The following ZSCAN1 variants were observed in gnomAD, a reference collection of about 807,000 sequenced individuals.
ZSCAN1 encodes the protein zinc finger and SCAN domain-containing protein 1.
Under a neutral mutation model 23.8 loss-of-function variants are expected in ZSCAN1, and 23 were observed. The ratio of observed to expected loss-of-function variants is 0.97; its 90% CI spans 0.70 to 1.37. ZSCAN1 has a LOEUF of 1.37. Among genes scored for constraint, ZSCAN1 ranks in the 40% most tolerant of loss-of-function variants. The pLI, the probability that ZSCAN1 is intolerant of heterozygous loss-of-function variation, is 0.00. For synonymous variants in ZSCAN1, 236 were observed against 232.3 expected (o/e 1.02, Z -0.15); for missense variants, 575 against 554.0 (o/e 1.04, Z -0.38).
At position 58,040,759 on chromosome 19, in the gene ZSCAN1, G is replaced by A. The variant is rs1421836912; in HGVS notation, c.465+215G>A. Among the ~76,000 whole-genome samples the A allele has an allele frequency of 3.9e-5, 6 of 152,220 alleles. No homozygotes were observed. The highest frequency in any genetic ancestry group is 7.3e-5 in the Non-Finnish European group (5 of 68,036). On this transcript the variant is annotated intron_variant, in intron 4 of 5. Coordinates refer to ENST00000282326, the MANE Select transcript of ZSCAN1 (RefSeq NM_182572.4). This position sits in a 1 kb window ranked among gnomAD's most constrained non-coding sequence, Gnocchi z 5.8. ...GGGCAGTCAGTGCAGCTGTGTGTTTGCTGTGTGCCTCTGGGCCTCACCCCA... is the reference window on the plus strand; with the variant it reads ...GGGCAGTCAGTGCAGCTGTGTGTTTACTGTGTGCCTCTGGGCCTCACCCCA...
In ZSCAN1 at chr19:58,037,991, C is replaced by G. The variant is rs759346196; in HGVS notation, c.155C>G (p.Pro52Arg). 1.2e-6 allele frequency: 2 copies of G among 1,608,676 alleles called. No homozygotes were observed. Among genetic ancestry groups the G allele is most frequent in the African/African-American group, 1.3e-5 (1 of 75,028 alleles). The change falls in exon 3 of 6, where the codon CCG (proline) becomes CGG (arginine). Residue 52 changes from proline to arginine, a missense_variant. Pro to Arg is a moderately radical substitution (Grantham distance 103, BLOSUM62 -2). Transcript: ENST00000282326. ...RQFQYHVASG[P>R]HLALGQLWTL... ...TTCCAGTACCACGTGGCGAGCGGGC[C>G]GCACCTCGCGCTGGGCCAGCTCTGG...
intron 4 of ZSCAN1, among the ~76,000 whole-genome samples, chr19:58,042,710 G>A (rs1260958848): frequency 6.6e-6 from 1 of 152,122 alleles, no homozygotes; most frequent in East Asian, 1.9e-4. Context: ...GTGCTTATCT[G>A]ACTCCCTCTC....
chr19:58,046,618 G>A (rs1423438637), intron 4 of ZSCAN1: 11 of 843,682 alleles, frequency 1.3e-5, no homozygotes, highest in Middle Eastern at 2.2e-4. Context: ...GGTCAACGTC[G>A]ACCACCTCAT....
intron 4 of ZSCAN1, chr19:58,044,781 C>CAG: frequency 1.4e-6 from 1 of 724,214 alleles, no homozygotes; most frequent in Non-Finnish European, 2.5e-6. Context: ...ACCCGTGCTT[C>CAG]AGAGGCGATC....
chr19:58,040,416 C>G lies in ZSCAN1; in HGVS notation c.371-34C>G. The stretch of plus-strand genomic sequence containing the variant: ...GGAGAATTGGGGGCTCTGGGAAGAA[C>G]AGGCCCCTCTCACGATCCCTTTCTC... On this transcript the variant is annotated intron_variant, in intron 3 of 5. Coordinates refer to ENST00000282326, the MANE Select transcript of ZSCAN1 (RefSeq NM_182572.4). The surrounding 1 kb of genome is among the most constrained non-coding windows in gnomAD (Gnocchi z 5.8). 6.2e-7 allele frequency: 1 copy of G among 1,606,692 alleles called. No homozygotes were observed. Among genetic ancestry groups the G allele is most frequent in the Non-Finnish European group, 8.5e-7 (1 of 1,174,036 alleles).
At chr19:58,036,596 A>G (rs1266987319) in intron 2 of ZSCAN1, among the ~76,000 whole-genome samples, 2 of 148,346 alleles carry the variant, frequency 1.3e-5, no homozygotes, top group Non-Finnish European at 3.0e-5. Flanking sequence ...GCTCACTGCA[A>G]TCTCCGCCTC....
intron 4 of ZSCAN1, among the ~76,000 whole-genome samples, chr19:58,048,399 G>C (rs907482646): frequency 2.0e-5 from 3 of 152,254 alleles, no homozygotes; most frequent in Non-Finnish European, 4.4e-5. Context: ...TAATCCCACT[G>C]CTTGAGGTGG....
At chr19:58,051,461 A>T (rs763674) in intron 4 of ZSCAN1, among the ~76,000 whole-genome samples, 72,200 of 150,550 alleles carry the variant, frequency 0.48, 18,150 homozygotes, top group Non-Finnish European at 0.56. Flanking sequence ...TCCTGCCATC[A>T]GCTCCCTCCC....
In ZSCAN1 at chr19:58,053,328, C is replaced by T; in HGVS notation, c.605-101C>T. On this transcript the variant is annotated intron_variant, in intron 5 of 5. Coordinates refer to ENST00000282326, the MANE Select transcript of ZSCAN1 (RefSeq NM_182572.4). This position sits in a 1 kb window ranked among gnomAD's most constrained non-coding sequence, Gnocchi z 5.8. ...GTATTGAGCAGAGGAAGGGCCTGGA[C>T]TTGGCTCAGTCACTGGGGTCCTCCG... 8 of 1,466,834 alleles carry T rather than the reference C, an allele frequency of 5.5e-6. No individual in the cohort carries two copies. The highest frequency in any genetic ancestry group is 4.0e-5 in the South Asian group (3 of 75,788). 90.9% of individuals were successfully genotyped at this position (1,466,834 alleles called of 1,614,324 possible). A position where few individuals can be genotyped will look rare whatever the true frequency, so the allele number is the denominator to read the frequency against.
At chr19:58,039,377 CTCTA>C (rs778645238) in intron 3 of ZSCAN1, among the ~76,000 whole-genome samples, 18 of 152,208 alleles carry the variant, frequency 1.2e-4, no homozygotes, top group Admixed American at 4.6e-4. Flanking sequence ...GCAAAGGGCT[CTCTA>C]TCTGTCTTCC....
At position 58,045,719 on chromosome 19, in the gene ZSCAN1, G is replaced by A. The variant is rs1251105064; in HGVS notation, c.465+5175G>A. ...GCGGCATGTCGGGCACGAGGCATGC[G>A]GGCCCTGGGCGTCAGGGAAAACCAC... On this transcript the variant is annotated intron_variant, in intron 4 of 5. Transcript: ENST00000282326. The surrounding 1 kb of genome is among the most constrained non-coding windows in gnomAD (Gnocchi z 4.3). 19 of 1,063,528 alleles carry A rather than the reference G, an allele frequency of 1.8e-5. No homozygotes were observed. Among genetic ancestry groups the A allele is most frequent in the Admixed American group, 5.2e-5 (3 of 57,846 alleles). 65.9% of individuals were successfully genotyped at this position (1,063,528 alleles called of 1,614,324 possible). A position where few individuals can be genotyped will look rare whatever the true frequency, so the allele number is the denominator to read the frequency against.
chr19:58,040,654 C>T lies in ZSCAN1; in HGVS notation c.465+110C>T, dbSNP rs1028909652. 15 of 1,096,678 alleles carry T rather than the reference C, an allele frequency of 1.4e-5. No individual in the cohort carries two copies. The highest frequency in any genetic ancestry group is 6.3e-5 in the Admixed American group (3 of 47,650). 67.9% of individuals were successfully genotyped at this position (1,096,678 alleles called of 1,614,324 possible). A position where few individuals can be genotyped will look rare whatever the true frequency, so the allele number is the denominator to read the frequency against. ...AAGGACTGTGTGAGGTTGTCCCCAGCGCTCCCAGGAAGCCCGGCCTCCAAA... is the reference window on the plus strand; with the variant it reads ...AAGGACTGTGTGAGGTTGTCCCCAGTGCTCCCAGGAAGCCCGGCCTCCAAA... On this transcript the variant is annotated intron_variant, in intron 4 of 5. Coordinates refer to ENST00000282326, the MANE Select transcript of ZSCAN1 (RefSeq NM_182572.4). The surrounding 1 kb of genome is among the most constrained non-coding windows in gnomAD (Gnocchi z 5.8).
At position 58,054,060 on chromosome 19, in the gene ZSCAN1, C is replaced by G; in HGVS notation, c.*9C>G. Reference sequence around the variant, plus strand: ...CCCACGGCCACATGTGAATGGCCAGCCTCGGGCCTCGGCCACCCGGCCCTG... The same window carrying G: ...CCCACGGCCACATGTGAATGGCCAGGCTCGGGCCTCGGCCACCCGGCCCTG... On this transcript the variant is annotated 3_prime_UTR_variant, in exon 6 of 6. Transcript: ENST00000282326. This position sits in a 1 kb window ranked among gnomAD's most constrained non-coding sequence, Gnocchi z 4.2. 6.7e-7 allele frequency: 1 copy of G among 1,487,630 alleles called. No homozygotes were observed. 92.2% of individuals were successfully genotyped at this position (1,487,630 alleles called of 1,614,324 possible).
At chr19:58,044,524 G>A (rs1375073143) in intron 4 of ZSCAN1, 2 of 449,406 alleles carry the variant, frequency 4.5e-6, no homozygotes, top group Admixed American at 9.0e-5. Flanking sequence ...GAAGAGCCGC[G>A]GCCGCCGCGG....
rs1599901394 is a variant in ZSCAN1 at position 58,040,342 on chromosome 19, G to A, written c.371-108G>A. 25 of 1,157,350 alleles carry A rather than the reference G, an allele frequency of 2.2e-5. No individual in the cohort carries two copies. The East Asian group carries it at 5.9e-4, about 27-fold the overall frequency. 71.7% of individuals were successfully genotyped at this position (1,157,350 alleles called of 1,614,324 possible). A position where few individuals can be genotyped will look rare whatever the true frequency, so the allele number is the denominator to read the frequency against. On this transcript the variant is annotated intron_variant, in intron 3 of 5. Coordinates refer to ENST00000282326, the MANE Select transcript of ZSCAN1 (RefSeq NM_182572.4). The surrounding 1 kb of genome is among the most constrained non-coding windows in gnomAD (Gnocchi z 5.8). ...TGCAGCCACTCTTGCCTGCGCCTCA[G>A]GGGTGCTGCAGGGATGTTCGGGGAA...
chr19:58,050,524 TCATTTTGTTTTGTTTG>T (rs2073852309), intron 4 of ZSCAN1, among the ~76,000 whole-genome samples: 1 of 152,102 alleles, frequency 6.6e-6, no homozygotes, highest in Non-Finnish European at 1.5e-5. Context: ...TATTCTTGTT[TCATTTTGTTTTGTTTG>T]AGACGGCGTC....
In ZSCAN1 at chr19:58,053,314, A is replaced by G. The variant is rs927923150; in HGVS notation, c.605-115A>G. ...AGGACACAGGGGCCGTATTGAGCAG[A>G]GGAAGGGCCTGGACTTGGCTCAGTC... On this transcript the variant is annotated intron_variant, in intron 5 of 5. Transcript: ENST00000282326. The surrounding 1 kb of genome is among the most constrained non-coding windows in gnomAD (Gnocchi z 5.8). 20 of 1,351,476 alleles carry G rather than the reference A, an allele frequency of 1.5e-5. No individual in the cohort carries two copies. The highest frequency in any genetic ancestry group is 1.9e-5 in the Non-Finnish European group (19 of 990,244). 83.7% of individuals were successfully genotyped at this position (1,351,476 alleles called of 1,614,324 possible). A position where few individuals can be genotyped will look rare whatever the true frequency, so the allele number is the denominator to read the frequency against.
At chr19:58,050,217 T>C (rs2123440964) in intron 4 of ZSCAN1, among the ~76,000 whole-genome samples, 1 of 152,046 alleles carries the variant, frequency 6.6e-6, no homozygotes, top group Admixed American at 6.5e-5. Context: ...GGTGGATCAC[T>C]AGAGGTCAGG....
At position 58,053,972 on chromosome 19, in the gene ZSCAN1, G is replaced by A; in HGVS notation, c.1148G>A (p.Ser383Asn). The part of the protein sequence containing the change: ...PRSPKRPFQC[S>N]VCGKAFPWMV... ...AGCCCCAAAAGACCCTTCCAGTGTA[G>A]CGTCTGCGGGAAGGCCTTCCCCTGG... Residue 383 changes from serine to asparagine, a missense_variant, in exon 6 of 6, where the codon AGC (serine) becomes AAC (asparagine). By Grantham distance (46) the Ser-to-Asn change is conservative. Coordinates refer to ENST00000282326, the MANE Select transcript of ZSCAN1 (RefSeq NM_182572.4). The surrounding 1 kb of genome is among the most constrained non-coding windows in gnomAD (Gnocchi z 5.8). The A allele has an allele frequency of 1.2e-6, 2 of 1,601,832 alleles. No homozygotes were observed.
Sources: allele counts gnomAD v4.1 joint callset (sites outside exome capture counted in the v4.1 genomes callset), GRCh38; gene constraint gnomAD v4.1.1; non-coding constraint Gnocchi (gnomAD v3.1); transcripts MANE v1.5; gene names NCBI Gene and HGNC (gene_info 2026-07-23, HGNC 2026-07-21).